The following LHFPL6 variants were observed in gnomAD, a reference collection of about 807,000 sequenced individuals.
LHFPL6 encodes the protein LHFPL tetraspan subfamily member 6.
LHFPL6 carries 9 observed loss-of-function variants against 20.6 expected under a neutral mutation model. The observed-to-expected ratio is 0.44, with a 90% confidence interval of 0.26 to 0.76. LHFPL6 has a LOEUF of 0.76. Ranked by LOEUF, LHFPL6 falls within the 30% of genes least tolerant of loss-of-function variation. LHFPL6 has a pLI of 0.20. For synonymous variants in LHFPL6, 105 were observed against 98.7 expected (o/e 1.06, Z -0.38); for missense variants, 218 against 253.5 (o/e 0.86, Z 0.95).
chr13:39,566,857 G>T (rs1871736492), intron 2 of LHFPL6, among the ~76,000 whole-genome samples: 2 of 151,482 alleles, frequency 1.3e-5, no homozygotes, highest in Admixed American at 1.3e-4. Flanking sequence ...CCACTATCTG[G>T]CTGTTAATCC....
At chr13:39,473,098 C>T (rs1052519683) in intron 2 of LHFPL6, among the ~76,000 whole-genome samples, 1 of 151,930 alleles carries the variant, frequency 6.6e-6, no homozygotes, top group Non-Finnish European at 1.5e-5. Context: ...ACCCTCAAAC[C>T]ACTAGGTGAT....
intron 3 of LHFPL6, among the ~76,000 whole-genome samples, chr13:39,352,972 C>CACACAT (rs1555257725): frequency 2.9e-5 from 2 of 69,134 alleles, no homozygotes; most frequent in African/African-American, 1.3e-4. Context: ...CACACACACA[C>CACACAT]ATATATATAT....
intron 2 of LHFPL6, among the ~76,000 whole-genome samples, chr13:39,566,660 G>A (rs1361303000): frequency 7.0e-6 from 1 of 143,402 alleles, no homozygotes; most frequent in East Asian, 2.1e-4. Flanking sequence ...CTGAGCCCAG[G>A]AAGTCCAGGC....
At chr13:39,443,883 G>A (rs554534359) in intron 2 of LHFPL6, among the ~76,000 whole-genome samples, 1 of 150,238 alleles carries the variant, frequency 6.7e-6, no homozygotes, top group Non-Finnish European at 1.5e-5. Flanking sequence ...ATAGGCTTTT[G>A]TCTATAGGCT....
intron 2 of LHFPL6, among the ~76,000 whole-genome samples, chr13:39,551,391 G>A (rs1871142172): frequency 2.0e-5 from 3 of 152,088 alleles, no homozygotes; most frequent in Non-Finnish European, 4.4e-5. Flanking sequence ...ATCCATTCCT[G>A]AGGGCTCTAC....
intron 2 of LHFPL6, among the ~76,000 whole-genome samples, chr13:39,486,722 C>T: frequency 6.6e-6 from 1 of 152,114 alleles, no homozygotes. Context: ...TCACTTTGAG[C>T]CTCCTTTTAG....
chr13:39,600,946 G>C lies in LHFPL6; in HGVS notation c.271C>G (p.Leu91Val). ...EWRICTIVTGLGCGLLLLVAL... is the reference protein window; with the variant it reads ...EWRICTIVTGVGCGLLLLVAL... ...ACCAGGAGGAGGAGGCCACAACCCA[G>C]GCCGGTCACTATGGTGCAGATCCTC... The change falls in exon 2 of 4, where the codon CTG becomes GTG. Residue 91 changes from leucine (L) to valine (V), a missense_variant. Coordinates refer to ENST00000379589, the MANE Select transcript of LHFPL6 (RefSeq NM_005780.3). 6.2e-7 allele frequency: 1 copy of C among 1,608,678 alleles called. No homozygotes were observed. The highest frequency in any genetic ancestry group is 1.1e-5 in the South Asian group (1 of 90,462).
chr13:39,505,232 A>G (rs1869435746), intron 2 of LHFPL6, among the ~76,000 whole-genome samples: 1 of 152,220 alleles, frequency 6.6e-6, no homozygotes, highest in Non-Finnish European at 1.5e-5. Flanking sequence ...TGTTATCAGC[A>G]TGAAAACATC....
intron 2 of LHFPL6, among the ~76,000 whole-genome samples, chr13:39,497,520 C>A (rs1162416941): frequency 6.6e-6 from 1 of 152,186 alleles, no homozygotes; most frequent in African/African-American, 2.4e-5. Context: ...ACAAAGTGTG[C>A]ATTTTTAAAA....
At chr13:39,403,490 TTTACACTTTCATG>T (rs1871041520) in intron 2 of LHFPL6, among the ~76,000 whole-genome samples, 1 of 152,192 alleles carries the variant, frequency 6.6e-6, no homozygotes, top group South Asian at 2.1e-4. Context: ...TACCAGTTGG[TTTACACTTTCATG>T]TTCAGGAGTC....
chr13:39,523,547 GAA>G (rs10588059), intron 2 of LHFPL6, among the ~76,000 whole-genome samples: 100,040 of 129,858 alleles, frequency 0.77, 37,242 homozygotes, highest in South Asian at 0.8. Context: ...GTCTCAAAAG[GAA>G]AAAAAAAAAA....
At chr13:39,598,726 T>C in intron 2 of LHFPL6, among the ~76,000 whole-genome samples, 1 of 152,080 alleles carries the variant, frequency 6.6e-6, no homozygotes, top group South Asian at 2.1e-4. Flanking sequence ...TGGCTAATTT[T>C]TTTGTATTTT....
chr13:39,378,701 G>A lies in LHFPL6; in HGVS notation c.386-175C>T, dbSNP rs112824634. Among the ~76,000 whole-genome samples the A allele has an allele frequency of 2.7e-3, 408 of 152,202 alleles. 1 individual carries two copies. Among genetic ancestry groups the A allele is most frequent in the Non-Finnish European group, 4.8e-3 (324 of 68,008 alleles). ...AGTTTGACTCCAACAACAATTTCAAGTCAGCTTAAAAGAAAAAAAAACTTG... is the reference window on the plus strand; with the variant it reads ...AGTTTGACTCCAACAACAATTTCAAATCAGCTTAAAAGAAAAAAAAACTTG... On this transcript the variant is annotated intron_variant, in intron 2 of 3. Transcript: ENST00000379589.
chr13:39,371,758 T>C (rs1870172541), intron 3 of LHFPL6, among the ~76,000 whole-genome samples: 1 of 152,172 alleles, frequency 6.6e-6, no homozygotes, highest in Non-Finnish European at 1.5e-5. Flanking sequence ...TCAAATCTTA[T>C]AAAACTCTAA....
chr13:39,464,780 C>T (rs921224091), intron 2 of LHFPL6, among the ~76,000 whole-genome samples: 6 of 148,268 alleles, frequency 4.0e-5, no homozygotes, highest in Non-Finnish European at 7.4e-5. Flanking sequence ...AAGTATATGA[C>T]CTATTCCAGA....
At chr13:39,352,853 G>GTA (rs988789263) in intron 3 of LHFPL6, among the ~76,000 whole-genome samples, 1 of 59,328 alleles carries the variant, frequency 1.7e-5, no homozygotes, top group South Asian at 7.8e-4. Context: ...ATATATAAAT[G>GTA]TATATATATG....
At chr13:39,525,734 T>C (rs1437397160) in intron 2 of LHFPL6, among the ~76,000 whole-genome samples, 3 of 152,188 alleles carry the variant, frequency 2.0e-5, no homozygotes, top group Non-Finnish European at 4.4e-5. Context: ...AGCTTTTCCC[T>C]TTTTTAAGCT....
intron 2 of LHFPL6, among the ~76,000 whole-genome samples, chr13:39,393,122 G>A (rs1870754295): frequency 6.6e-6 from 1 of 152,130 alleles, no homozygotes; most frequent in African/African-American, 2.4e-5. Context: ...TTGAACAACT[G>A]CAGATTTTGG....
chr13:39,367,642 T>C (rs1220348599), intron 3 of LHFPL6, among the ~76,000 whole-genome samples: 1 of 152,222 alleles, frequency 6.6e-6, no homozygotes, highest in East Asian at 1.9e-4. Flanking sequence ...TTGTTTACTA[T>C]ATAGGTTCTA....
Sources: gnomAD v4.1 joint callset for allele counts (sites outside exome capture counted in the v4.1 genomes callset) on GRCh38, gnomAD v4.1.1 for gene constraint, MANE v1.5 for transcripts, NCBI Gene and HGNC (gene_info 2026-07-23, HGNC 2026-07-21) for gene names.